The following GRIA3 variants were observed in gnomAD, a reference collection of about 807,000 sequenced individuals.
The protein encoded by GRIA3 is glutamate receptor 3.
In GRIA3, 3 loss-of-function variants were observed where a neutral mutation model predicts 63.0. The observed-to-expected ratio is 0.05, with a 90% CI of 0.02 to 0.12. The LOEUF is 0.12. Among genes scored for constraint, GRIA3 ranks in the 10% least tolerant of loss-of-function variants. GRIA3 has a pLI of 1.00. For synonymous variants in GRIA3, 274 were observed against 257.9 expected (o/e 1.06, Z -0.60); for missense variants, 347 against 700.9 (o/e 0.50, Z 5.70).
intron 5 of GRIA3, among the ~76,000 whole-genome samples, chrX:123,376,542 T>C (rs772884290): frequency 5.3e-5 from 6 of 112,600 alleles, no homozygotes; most frequent in Admixed American, 9.4e-5. Context: ...GAAAACATAA[T>C]ACACTTTGAA....
chrX:123,453,311 T>C (rs1015998531), intron 12 of GRIA3, among the ~76,000 whole-genome samples: 2 of 109,975 alleles, frequency 1.8e-5, no homozygotes, highest in African/African-American at 6.6e-5. Context: ...AAACACCACA[T>C]GTTCTCACTC....
At chrX:123,204,491 G>C in intron 2 of GRIA3, 1 of 1,165,120 alleles carries the variant, frequency 8.6e-7, no homozygotes, top group Non-Finnish European at 1.1e-6. Flanking sequence ...GCATCATGGA[G>C]GGAGAAGAAA....
At chrX:123,338,323 A>G (rs2044986802) in intron 4 of GRIA3, among the ~76,000 whole-genome samples, 1 of 111,194 alleles carries the variant, frequency 9.0e-6, no homozygotes, top group Admixed American at 9.6e-5. Flanking sequence ...ACTTGAGAAA[A>G]CTTCCCACTG....
chrX:123,296,282 C>A (rs1339979157), intron 3 of GRIA3, among the ~76,000 whole-genome samples: 2 of 110,784 alleles, frequency 1.8e-5, no homozygotes, highest in Non-Finnish European at 3.8e-5. Flanking sequence ...AATGTTCTTA[C>A]TACTGAATGG....
chrX:123,408,402 A>G (rs917295472), intron 10 of GRIA3, among the ~76,000 whole-genome samples: 3 of 112,101 alleles, frequency 2.7e-5, no homozygotes, highest in Non-Finnish European at 3.8e-5. Flanking sequence ...GCATTGAGGA[A>G]GACATTACAC....
intron 3 of GRIA3, among the ~76,000 whole-genome samples, chrX:123,305,818 T>C (rs892380131): frequency 1.8e-5 from 2 of 112,267 alleles, no homozygotes; most frequent in African/African-American, 6.5e-5. Context: ...GCATATTCAC[T>C]ATTTGGTACT....
At chrX:123,212,781 T>C (rs1050850427) in intron 2 of GRIA3, among the ~76,000 whole-genome samples, 1 of 112,182 alleles carries the variant, frequency 8.9e-6, no homozygotes, top group Non-Finnish European at 1.9e-5. Flanking sequence ...ATGCTAGGCA[T>C]TTGCTAAATG....
chrX:123,279,833 C>T lies in GRIA3; in HGVS notation c.508+26291C>T, dbSNP rs778407185. ...CAACATATGGGGACCTGGAGTTCTA[C>T]CTATGGCTCAGGAACTCTTTAAGGT... On this transcript the variant is annotated intron_variant, in intron 3 of 15. Transcript: ENST00000620443. 4.0e-4 allele frequency among the ~76,000 whole-genome samples: 45 copies of T among 111,775 alleles called. No individual in the cohort carries two copies. In the South Asian group the frequency reaches 0.017, roughly 42 times the overall value.
chrX:123,253,957 C>T (rs2044405096), intron 3 of GRIA3, among the ~76,000 whole-genome samples: 1 of 111,527 alleles, frequency 9.0e-6, no homozygotes, highest in African/African-American at 3.3e-5. Flanking sequence ...TAGCTAAAGT[C>T]CAAGTGCTTT....
chrX:123,437,766 G>C (rs775516288), intron 12 of GRIA3, among the ~76,000 whole-genome samples: 31 of 111,596 alleles, frequency 2.8e-4, no homozygotes, highest in Non-Finnish European at 5.1e-4. Context: ...TCCCTTTTCA[G>C]TAATCACTTA....
chrX:123,458,497 G>A (rs916974314), intron 12 of GRIA3, among the ~76,000 whole-genome samples: 2 of 111,180 alleles, frequency 1.8e-5, no homozygotes, highest in Non-Finnish European at 3.8e-5. Flanking sequence ...CTCTGAGCTA[G>A]GGAGTGCCTC....
At chrX:123,237,530 G>A (rs1470717337) in intron 2 of GRIA3, among the ~76,000 whole-genome samples, 1 of 111,932 alleles carries the variant, frequency 8.9e-6, no homozygotes, top group Non-Finnish European at 1.9e-5. Flanking sequence ...TTACTTGAGT[G>A]TTTTATAACT....
intron 15 of GRIA3, among the ~76,000 whole-genome samples, chrX:123,483,712 C>T (rs956454030): frequency 8.9e-6 from 1 of 111,982 alleles, no homozygotes; most frequent in African/African-American, 3.2e-5. Context: ...GCGGGTGGAT[C>T]ACGCAGTCAG....
At chrX:123,254,306 T>C (rs779444069) in intron 3 of GRIA3, among the ~76,000 whole-genome samples, 1 of 111,546 alleles carries the variant, frequency 9.0e-6, no homozygotes, top group Non-Finnish European at 1.9e-5. Flanking sequence ...TTAAATAATA[T>C]ACAGTAAGGT....
intron 10 of GRIA3, among the ~76,000 whole-genome samples, chrX:123,408,052 C>T (rs1302659490): frequency 9.0e-6 from 1 of 110,976 alleles, no homozygotes; most frequent in African/African-American, 3.3e-5. Context: ...ACCTCTGCCT[C>T]CCAGGTTCAA....
chrX:123,384,113 C>T (rs139582023), intron 5 of GRIA3, among the ~76,000 whole-genome samples: 168 of 111,606 alleles, frequency 1.5e-3, no homozygotes, highest in Non-Finnish European at 2.6e-3. Flanking sequence ...CATTGATGGG[C>T]CTTTAGGTTG....
intron 11 of GRIA3, 145 bp from the exon 12 acceptor site, chrX:123,427,796 A>C (rs1016752285): frequency 2.0e-6 from 1 of 506,565 alleles, no homozygotes. Context: ...ACCTTTGTTT[A>C]ATGTTTTAAT....
At chrX:123,384,837 A>G (rs994777340) in intron 5 of GRIA3, among the ~76,000 whole-genome samples, 1 of 111,393 alleles carries the variant, frequency 9.0e-6, no homozygotes, top group East Asian at 2.8e-4. Flanking sequence ...CAATTTTTCA[A>G]TGGGGTTGTT....
chrX:123,470,573 G>A (rs775478647), intron 13 of GRIA3, among the ~76,000 whole-genome samples: 52 of 111,762 alleles, frequency 4.7e-4, no homozygotes, highest in Non-Finnish European at 7.7e-4. Flanking sequence ...TCTCTTCAAA[G>A]ATAGTAAAAA....
Sources: allele counts gnomAD v4.1 joint callset (sites outside exome capture counted in the v4.1 genomes callset), GRCh38; gene constraint gnomAD v4.1.1; transcripts MANE v1.5; gene names NCBI Gene and HGNC (gene_info 2026-07-23, HGNC 2026-07-21).